Variants in CTBP2 observed in about 807,000 individuals in gnomAD.
CTBP2 encodes C-terminal binding protein 2, also known as C-terminal-binding protein 2.
In CTBP2, 30 loss-of-function variants were observed where a neutral mutation model predicts 80.3. The ratio of observed to expected loss-of-function variants is 0.37; its 90% CI spans 0.28 to 0.51. CTBP2 has a LOEUF of 0.51. CTBP2 is among the 20% of genes least tolerant of loss of function. The pLI is 0.93. For synonymous variants in CTBP2, 594 were observed against 587.4 expected (o/e 1.01, Z -0.16); for missense variants, 1,212 against 1,375.3 (o/e 0.88, Z 1.88).
At chr10:125,083,530 G>A (rs539061604) in intron 2 of CTBP2, among the ~76,000 whole-genome samples, 8 of 152,290 alleles carry the variant, frequency 5.3e-5, no homozygotes, top group African/African-American at 1.9e-4. Context: ...CCACATTACC[G>A]TGACCATCTA....
At chr10:125,110,999 T>C (rs1417899183) in exon 2 of CTBP2, 1 of 152,634 alleles carries the variant, frequency 6.6e-6, no homozygotes, top group Non-Finnish European at 1.5e-5. Context: ...CCAATATAAA[T>C]CTGTCCACAA....
intron 2 of CTBP2, among the ~76,000 whole-genome samples, chr10:125,040,898 C>A (rs1959532546): frequency 6.6e-6 from 1 of 152,182 alleles, no homozygotes; most frequent in Non-Finnish European, 1.5e-5. Flanking sequence ...GCACAATTTC[C>A]AATCACATAA....
intron 2 of CTBP2, among the ~76,000 whole-genome samples, chr10:125,057,819 G>C (rs1262822831): frequency 2.6e-5 from 4 of 152,150 alleles, no homozygotes; most frequent in Non-Finnish European, 5.9e-5. Flanking sequence ...CACTCCTTCA[G>C]TAAAAAGCAT....
At chr10:125,069,479 G>A (rs1423973021) in intron 2 of CTBP2, among the ~76,000 whole-genome samples, 8 of 152,156 alleles carry the variant, frequency 5.3e-5, no homozygotes, top group Admixed American at 2.6e-4. Context: ...TTAGCTGGGC[G>A]TTGTGGTGCA....
Position 125,028,031 on chromosome 10 carries a change from GTCCC to G in CTBP2, c.-276_-273del. The G allele has an allele frequency of 5.0e-6, 4 of 801,206 alleles. No homozygotes were observed. The highest frequency in any genetic ancestry group is 6.7e-6 in the Non-Finnish European group (4 of 598,396). 49.6% of individuals were successfully genotyped at this position (801,206 alleles called of 1,614,324 possible). A position where few individuals can be genotyped will look rare whatever the true frequency, so the allele number is the denominator to read the frequency against. Reference sequence around the variant, plus strand: ...ACAGCTCAGTCCCGGAGAGGAGGCTGTCCCCAGCCTGCCAGGTCCCCCTTCCTGG... The same window carrying G: ...ACAGCTCAGTCCCGGAGAGGAGGCTGCAGCCTGCCAGGTCCCCCTTCCTGG... On this transcript the variant is annotated 5_prime_UTR_variant, in exon 1 of 9. Coordinates refer to ENST00000309035, the MANE Select transcript of CTBP2 (RefSeq NM_022802.3).
At chr10:125,069,302 T>A (rs1845102983) in intron 2 of CTBP2, among the ~76,000 whole-genome samples, 1 of 152,182 alleles carries the variant, frequency 6.6e-6, no homozygotes, top group South Asian at 2.1e-4. Flanking sequence ...ACGCCCACAA[T>A]GATGAGTTTC....
At chr10:125,002,435 G>A (rs1954656526) in intron 3 of CTBP2, among the ~76,000 whole-genome samples, 1 of 152,230 alleles carries the variant, frequency 6.6e-6, no homozygotes. Context: ...GGAAGCCTCT[G>A]TCATCAACTG....
In CTBP2 at chr10:124,988,250, G is replaced by C. The variant is rs1270293334; in HGVS notation, c.*1268C>G. 6.6e-6 allele frequency: 1 copy of C among 152,610 alleles called. No homozygotes were observed. The highest frequency in any genetic ancestry group is 2.4e-5 in the African/African-American group (1 of 41,440). 9.5% of individuals were successfully genotyped at this position (152,610 alleles called of 1,614,324 possible). ...CCTGTAGTAACAAGAGCTGGAAATT[G>C]GCTAATTGACAATGCAATTGCCTTA... On this transcript the variant is annotated 3_prime_UTR_variant, in exon 9 of 9. Transcript: ENST00000309035.
Position 125,027,068 on chromosome 10 carries a change from C to G in CTBP2, c.692G>C (p.Cys231Ser). Residue 231 changes from cysteine to serine, a missense_variant, in exon 1 of 9, where the codon TGC becomes TCC. Physicochemically the swap from Cys to Ser is moderately radical, Grantham distance 112. Coordinates refer to ENST00000309035, the MANE Select transcript of CTBP2 (RefSeq NM_022802.3). ...AGCTGAACTGGGGTCCACAACCAGG[C>G]ACGTCGGGGCCACCTGTCTGGCAGG... The G allele has an allele frequency of 1.9e-6, 3 of 1,612,320 alleles. No individual in the cohort carries two copies. The highest frequency in any genetic ancestry group is 2.5e-6 in the Non-Finnish European group (3 of 1,178,910).
At chr10:125,134,939 G>A (rs1299569414) in intron 1 of CTBP2, among the ~76,000 whole-genome samples, 3 of 141,640 alleles carry the variant, frequency 2.1e-5, no homozygotes, top group South Asian at 2.4e-4. Flanking sequence ...TAAAACCCAC[G>A]TTAATACTAG....
rs549038464 is a variant in CTBP2 at position 125,151,484 on chromosome 10, G to T, written c.-206+8835C>A. Among the ~76,000 whole-genome samples the T allele has an allele frequency of 5.9e-5, 9 of 152,322 alleles. No homozygotes were observed. The South Asian group carries it at 1.7e-3, about 28-fold the overall frequency. On this transcript the variant is annotated intron_variant, in intron 1 of 10. Coordinates refer to the CTBP2 transcript ENST00000337195. ...ACACCCAGATTCGAAGGTTATCCAA[G>T]AACCGTGGTCACCCCCAAACACTGC... is the stretch of plus-strand genomic sequence containing the variant.
intron 2 of CTBP2, among the ~76,000 whole-genome samples, chr10:125,101,375 T>A (rs1850591379): frequency 6.6e-6 from 1 of 152,242 alleles, no homozygotes; most frequent in Admixed American, 6.5e-5. Flanking sequence ...AGTAGAGACA[T>A]GTTCCCAGGG....
rs1240874570 is a variant in CTBP2 at position 124,984,592 on chromosome 10, A to G, written c.*4926T>C. 1 of 575,344 alleles carries G rather than the reference A, an allele frequency of 1.7e-6. No individual in the cohort carries two copies. Among genetic ancestry groups the G allele is most frequent in the Non-Finnish European group, 3.0e-6 (1 of 337,914 alleles). 35.6% of individuals were successfully genotyped at this position (575,344 alleles called of 1,614,324 possible). On this transcript the variant is annotated 3_prime_UTR_variant, in exon 9 of 9. Coordinates refer to ENST00000309035, the MANE Select transcript of CTBP2 (RefSeq NM_022802.3). ...AAATTTCCCATTTATGTCTTTTTAA[A>G]TTTAACCAGAGCAAACTGGACTTTA... is the stretch of plus-strand genomic sequence containing the variant.
intron 2 of CTBP2, among the ~76,000 whole-genome samples, chr10:125,099,124 A>C (rs1850219450): frequency 6.6e-6 from 1 of 152,142 alleles, no homozygotes; most frequent in Non-Finnish European, 1.5e-5. Context: ...CCAACATCTA[A>C]ACTATTTTAG....
At position 125,026,584 on chromosome 10, in the gene CTBP2, C is replaced by T. The variant is rs777153831; in HGVS notation, c.1176G>A (p.Leu392=). 186 of 1,563,360 alleles carry T rather than the reference C, an allele frequency of 1.2e-4. No individual in the cohort carries two copies. The East Asian group carries it at 3.5e-3, about 29-fold the overall frequency. ...CTCCAGCTCGGGGGGATGCTGTCTGCAGAGGAGCCGCAGCGCCCAGAGAAG... is the reference window on the plus strand; with the variant it reads ...CTCCAGCTCGGGGGGATGCTGTCTGTAGAGGAGCCGCAGCGCCCAGAGAAG... The change falls in exon 1 of 9, where the codon CTG becomes CTA. Residue 392 remains leucine (L), a synonymous_variant. Coordinates refer to ENST00000309035, the MANE Select transcript of CTBP2 (RefSeq NM_022802.3).
At chr10:125,129,082 C>T (rs991736148) in intron 1 of CTBP2, among the ~76,000 whole-genome samples, 5 of 152,126 alleles carry the variant, frequency 3.3e-5, no homozygotes, top group Admixed American at 6.5e-5. Flanking sequence ...AATATACATA[C>T]ATATTAAATT....
chr10:125,026,982 C>T lies in CTBP2; in HGVS notation c.778G>A (p.Ala260Thr). The T allele has an allele frequency of 6.2e-7, 1 of 1,613,894 alleles. No homozygotes were observed. The highest frequency in any genetic ancestry group is 2.2e-5 in the East Asian group (1 of 44,890). ...ATCTTGGATGGGATGCTTTCCCGGG[C>T]AGGCCCGTAGCCACGATTCAGGGCC... The change falls in exon 1 of 9, where the codon GCC becomes ACC. Residue 260 changes from alanine (A) to threonine (T), a missense_variant. By Grantham distance (58) the Ala-to-Thr change is moderately conservative. This residue lies in a region of CTBP2 where 848 missense variants were observed against 782.3 expected (regional missense o/e 1.08). Transcript: ENST00000309035.
At chr10:125,138,767 G>A (rs1255259435) in intron 1 of CTBP2, among the ~76,000 whole-genome samples, 2 of 151,824 alleles carry the variant, frequency 1.3e-5, no homozygotes, top group Admixed American at 6.6e-5. Context: ...TCAGGCTCCA[G>A]AACTACAGAG....
chr10:125,106,542 G>T (rs943090589), intron 2 of CTBP2, among the ~76,000 whole-genome samples: 1 of 152,210 alleles, frequency 6.6e-6, no homozygotes, highest in African/African-American at 2.4e-5. Context: ...AGGGTATGAG[G>T]ATCACGGAAA....
Sources: allele counts gnomAD v4.1 joint callset (sites outside exome capture counted in the v4.1 genomes callset), GRCh38; gene constraint gnomAD v4.1.1; regional missense constraint gnomAD v4.1.1; transcripts MANE v1.5; gene names NCBI Gene and HGNC (gene_info 2026-07-23, HGNC 2026-07-21).